Variants in JMJD1C observed in about 807,000 individuals in gnomAD.
JMJD1C encodes jumonji domain-containing protein 1C.
JMJD1C carries 31 observed loss-of-function variants against 245.3 expected under a neutral mutation model. The observed-to-expected ratio is 0.13, with a 90% confidence interval of 0.09 to 0.17. The LOEUF (loss-of-function observed/expected upper bound fraction) is 0.17. Among genes scored for constraint, JMJD1C ranks in the 10% least tolerant of loss-of-function variants. The probability of loss-of-function intolerance (pLI) is 1.00; values close to 1 mark genes in which losing one functional copy is unlikely to be tolerated. For missense variants in JMJD1C, 2,691 were observed against 3,000.2 expected (o/e 0.90, Z 2.41); for synonymous variants, 1,057 against 1,017.4 (o/e 1.04, Z -0.74).
At chr10:63,289,322 A>G (rs1564739511) in intron 2 of JMJD1C, among the ~76,000 whole-genome samples, 1 of 148,304 alleles carries the variant, frequency 6.7e-6, no homozygotes, top group Non-Finnish European at 1.5e-5. Context: ...GAGAAACATA[A>G]ACATTTTTTC....
At chr10:63,244,071 G>A (rs1851854894) in intron 3 of JMJD1C, among the ~76,000 whole-genome samples, 1 of 152,140 alleles carries the variant, frequency 6.6e-6, no homozygotes, top group Admixed American at 6.5e-5. Flanking sequence ...CACCCAAAGG[G>A]AGAAATATCC....
At chr10:63,466,184 C>T, upstream of JMJD1C, 1 of 186,328 alleles carries the variant, frequency 5.4e-6, no homozygotes, top group Non-Finnish European at 1.1e-5. Context: ...ATGAAGAGGG[C>T]CGCGGGAAAG....
chr10:63,354,477 T>C (rs913321246), intron 2 of JMJD1C, among the ~76,000 whole-genome samples: 12 of 152,144 alleles, frequency 7.9e-5, no homozygotes, highest in Non-Finnish European at 1.6e-4. Context: ...ATATTTTTTA[T>C]TTGTGTAGCT....
chr10:63,326,620 G>A (rs1320537958), intron 2 of JMJD1C, among the ~76,000 whole-genome samples: 5 of 149,620 alleles, frequency 3.3e-5, no homozygotes, highest in African/African-American at 7.4e-5. Context: ...TGGCTCACGC[G>A]TGTAATCCCA....
At chr10:63,391,199 T>C (rs7095571) in intron 1 of JMJD1C, among the ~76,000 whole-genome samples, 2 of 152,012 alleles carry the variant, frequency 1.3e-5, no homozygotes, top group African/African-American at 4.8e-5. Context: ...ATACCAATAA[T>C]GCAATAGCTG....
At chr10:63,314,485 G>C (rs1173178494) in intron 2 of JMJD1C, among the ~76,000 whole-genome samples, 6 of 152,308 alleles carry the variant, frequency 3.9e-5, no homozygotes, top group African/African-American at 1.2e-4. Flanking sequence ...ACCTGAGCAA[G>C]GGAAGTCGAG....
intron 1 of JMJD1C, among the ~76,000 whole-genome samples, chr10:63,449,438 T>C (rs1215202821): frequency 2.6e-5 from 4 of 152,300 alleles, no homozygotes; most frequent in East Asian, 1.9e-4. Context: ...ACTTTTCATA[T>C]ATATAAAGTC....
chr10:63,323,643 C>T (rs1316257871), intron 2 of JMJD1C, among the ~76,000 whole-genome samples: 1 of 152,058 alleles, frequency 6.6e-6, no homozygotes, highest in Non-Finnish European at 1.5e-5. Flanking sequence ...GTACATAAAA[C>T]TAAAAAAATT....
At chr10:63,459,071 A>C (rs1003987058) in intron 1 of JMJD1C, among the ~76,000 whole-genome samples, 1 of 152,158 alleles carries the variant, frequency 6.6e-6, no homozygotes, top group Non-Finnish European at 1.5e-5. Flanking sequence ...ACAAGTCCTT[A>C]CGTTATGGTA....
Position 63,358,198 on chromosome 10 carries a change from T to C in JMJD1C, c.333+22120A>G, listed in dbSNP as rs527908631. Among the ~76,000 whole-genome samples the C allele has an allele frequency of 3.3e-5, 5 of 152,222 alleles. No homozygotes were observed. The East Asian group carries it at 9.6e-4, about 29-fold the overall frequency. ...AAATGATTCCAAACTATCATCTATT[T>C]TAGGATACGAAAATTTTTTCACAGA... On this transcript the variant is annotated intron_variant, in intron 2 of 25. Transcript: ENST00000399262.
chr10:63,426,229 A>C (rs2132790547), intron 1 of JMJD1C, among the ~76,000 whole-genome samples: 1 of 152,098 alleles, frequency 6.6e-6, no homozygotes, highest in Non-Finnish European at 1.5e-5. Flanking sequence ...AAAATTTAAA[A>C]ATTAGCCAGG....
intron 1 of JMJD1C, among the ~76,000 whole-genome samples, chr10:63,495,558 G>C (rs1445672188): frequency 6.6e-6 from 1 of 152,048 alleles, no homozygotes; most frequent in African/African-American, 2.4e-5. Flanking sequence ...GATCACCTGA[G>C]GTCAGGAGTT....
intron 2 of JMJD1C, among the ~76,000 whole-genome samples, chr10:63,289,325 A>AT (rs1858366260): frequency 6.6e-6 from 1 of 151,534 alleles, no homozygotes; most frequent in Non-Finnish European, 1.5e-5. Context: ...AAACATAAAC[A>AT]TTTTTTCTCT....
intron 1 of JMJD1C, among the ~76,000 whole-genome samples, chr10:63,447,209 A>T (rs534549601): frequency 6.6e-6 from 1 of 152,322 alleles, no homozygotes; most frequent in East Asian, 1.9e-4. Context: ...ACTCATACAC[A>T]GCCTCCCATA....
At chr10:63,267,142 A>C (rs1855673386) in intron 2 of JMJD1C, among the ~76,000 whole-genome samples, 2 of 152,218 alleles carry the variant, frequency 1.3e-5, no homozygotes, top group African/African-American at 4.8e-5. Context: ...TCCAAAGTAT[A>C]TCATGCTTCT....
At position 63,337,467 on chromosome 10, in the gene JMJD1C, GA is replaced by G. The variant is rs1402699657; in HGVS notation, c.333+42850del. Among the ~76,000 whole-genome samples the G allele has an allele frequency of 2.8e-4, 17 of 60,118 alleles. 1 individual carries two copies. Among genetic ancestry groups the G allele is most frequent in the African/African-American group, 3.5e-4 (4 of 11,456 alleles). 39.4% of individuals were successfully genotyped at this position (60,118 alleles called of 152,430 possible). A position where few individuals can be genotyped will look rare whatever the true frequency, so the allele number is the denominator to read the frequency against. ...AAAGAAAGAGAAGGCGGGGGGGGGG[GA>G]GGGAGAGAGAGAGGGAAGGAGAAAG... On this transcript the variant is annotated intron_variant, in intron 2 of 25. Coordinates refer to ENST00000399262, the MANE Select transcript of JMJD1C (RefSeq NM_032776.3).
chr10:63,291,333 A>G (rs12251458), intron 2 of JMJD1C, among the ~76,000 whole-genome samples: 6 of 92,090 alleles, frequency 6.5e-5, no homozygotes, highest in Non-Finnish European at 9.5e-5. Flanking sequence ...AAAAAAAAAA[A>G]GGGCTGGGCG....
intron 2 of JMJD1C, among the ~76,000 whole-genome samples, chr10:63,369,090 C>CTCTT (rs751288328): frequency 6.6e-6 from 1 of 151,552 alleles, no homozygotes; most frequent in Non-Finnish European, 1.5e-5. Context: ...ATTTTTCTTC[C>CTCTT]TCTTTCTTTC....
chr10:63,504,647 G>A lies in JMJD1C; in HGVS notation n.113+17091C>T, dbSNP rs186499741. Among the ~76,000 whole-genome samples the A allele has an allele frequency of 3.8e-3, 573 of 152,246 alleles. 4 individuals are homozygous for A. Among genetic ancestry groups the A allele is most frequent in the African/African-American group, 0.013 (538 of 41,536 alleles). On this transcript the variant is annotated intron_variant and non_coding_transcript_variant, in intron 1 of 3. Coordinates refer to the JMJD1C transcript ENST00000633035. Reference sequence around the variant, plus strand: ...TGGGCAAACATGAAATTTAATCCAAGTGCAAGGAAAGCCACTGGAGGGAGT... The same window carrying A: ...TGGGCAAACATGAAATTTAATCCAAATGCAAGGAAAGCCACTGGAGGGAGT...
Sources: allele counts gnomAD v4.1 joint callset (sites outside exome capture counted in the v4.1 genomes callset), GRCh38; gene constraint gnomAD v4.1.1; transcripts MANE v1.5; gene names NCBI Gene and HGNC (gene_info 2026-07-23, HGNC 2026-07-21).